COL14A1: variants seen among roughly 807,000 people sequenced by gnomAD.
COL14A1 encodes the protein collagen alpha-1(XIV) chain.
A neutral mutation model predicts 230.3 loss-of-function variants in COL14A1; 136 were observed. The ratio of observed to expected loss-of-function variants is 0.59; its 90% CI spans 0.51 to 0.68. The LOEUF (loss-of-function observed/expected upper bound fraction) is 0.68. COL14A1 is among the 30% of genes least tolerant of loss of function. The pLI, the probability that COL14A1 is intolerant of heterozygous loss-of-function variation, is 0.00. For synonymous variants in COL14A1, 792 were observed against 784.1 expected (o/e 1.01, Z -0.17); for missense variants, 1,976 against 2,215.8 (o/e 0.89, Z 2.17).
chr8:120,336,388 A>G (rs1285444114), intron 42 of COL14A1, among the ~76,000 whole-genome samples: 2 of 152,184 alleles, frequency 1.3e-5, no homozygotes, highest in Non-Finnish European at 2.9e-5. Context: ...GAAAAACATA[A>G]GGCAAACACA....
At chr8:120,209,648 C>T in intron 11 of COL14A1, 108 bp from the exon 12 acceptor site, 1 of 1,101,476 alleles carries the variant, frequency 9.1e-7, no homozygotes. Context: ...ATTCTTAATC[C>T]CTTTCTCCCT....
chr8:120,289,421 T>C (rs1405842378), intron 33 of COL14A1, among the ~76,000 whole-genome samples, 187 bp from the exon 34 acceptor site: 2 of 152,144 alleles, frequency 1.3e-5, no homozygotes, highest in Non-Finnish European at 2.9e-5. Flanking sequence ...AAAATAGAGA[T>C]GGTACTTGAA....
At chr8:120,328,386 ATT>A (rs1191940919) in intron 40 of COL14A1, among the ~76,000 whole-genome samples, 1 of 135,306 alleles carries the variant, frequency 7.4e-6, no homozygotes, top group African/African-American at 2.8e-5. Context: ...AGGCAGAGCA[ATT>A]TTTTTTTAAT....
chr8:120,312,636 C>G (rs1305643139), intron 37 of COL14A1, among the ~76,000 whole-genome samples: 1 of 152,062 alleles, frequency 6.6e-6, no homozygotes, highest in South Asian at 2.1e-4. Context: ...CCTTAATAAC[C>G]TCACCTATAA....
intron 22 of COL14A1, among the ~76,000 whole-genome samples, chr8:120,253,714 A>G (rs1338671648): frequency 2.0e-5 from 3 of 152,180 alleles, no homozygotes; most frequent in East Asian, 1.9e-4. Context: ...ACCTGAGGTC[A>G]GGAGTTTGAG....
rs1369911335 is a variant in COL14A1, at chr8:120,192,543, G to C, written c.437-4248G>C. On this transcript the variant is annotated intron_variant, in intron 5 of 47. Coordinates refer to ENST00000297848, the MANE Select transcript of COL14A1 (RefSeq NM_021110.4). Reference sequence around the variant, plus strand: ...TGTATCTTGGAGTTGCTCTTCTCGAGGAGTATCTTTGTGGCGTTCTCTGTA... The same window carrying C: ...TGTATCTTGGAGTTGCTCTTCTCGACGAGTATCTTTGTGGCGTTCTCTGTA... Among the ~76,000 whole-genome samples the C allele has an allele frequency of 2.0e-5, 3 of 152,244 alleles. No individual in the cohort carries two copies. The East Asian group carries it at 5.8e-4, about 29-fold the overall frequency.
chr8:120,181,821 A>G (rs1290124202), intron 5 of COL14A1, among the ~76,000 whole-genome samples: 2 of 152,142 alleles, frequency 1.3e-5, no homozygotes, highest in African/African-American at 4.8e-5. Context: ...GCATGGTGGC[A>G]TGCACCTGTA....
At chr8:120,370,672 C>G in intron 47 of COL14A1, 2 of 1,446,410 alleles carry the variant, frequency 1.4e-6, no homozygotes, top group South Asian at 2.5e-5. Flanking sequence ...CCAGACTCCC[C>G]TGTGTGACAG....
intron 5 of COL14A1, among the ~76,000 whole-genome samples, chr8:120,188,129 C>A (rs1252101335): frequency 6.6e-6 from 1 of 150,606 alleles, no homozygotes; most frequent in African/African-American, 2.4e-5. Context: ...GTCACCCAGG[C>A]TGGAGTGCAA....
chr8:120,370,221 A>C, intron 47 of COL14A1: 1 of 1,085,874 alleles, frequency 9.2e-7, no homozygotes, highest in Non-Finnish European at 1.4e-6. Flanking sequence ...TTTCTGCTTC[A>C]GTAGAAATTT....
Position 120,212,578 on chromosome 8 carries a change from G to T in COL14A1, c.1597+1G>T. 1 of 1,613,232 alleles carries T rather than the reference G, an allele frequency of 6.2e-7. No individual in the cohort carries two copies. Among genetic ancestry groups the T allele is most frequent in the Non-Finnish European group, 8.5e-7 (1 of 1,179,366 alleles). On this transcript the variant is annotated splice_donor_variant, in intron 13 of 47. Transcript: ENST00000297848. LOFTEE classifies it high-confidence loss of function. ...CCTGTTACGGGACAAGAAACAACAT[G>T]TGAGCAGCACAGCCATTCAGTTGGG...
intron 1 of COL14A1, among the ~76,000 whole-genome samples, chr8:120,134,615 A>T (rs983577651): frequency 6.6e-6 from 1 of 152,200 alleles, no homozygotes; most frequent in Non-Finnish European, 1.5e-5. Flanking sequence ...AATATTGGGC[A>T]ACGTGTTTTA....
chr8:120,151,157 T>C (rs1815266518), intron 2 of COL14A1, among the ~76,000 whole-genome samples: 1 of 152,046 alleles, frequency 6.6e-6, no homozygotes. Flanking sequence ...ATTAGGAAAA[T>C]ATGAGACCTT....
intron 13 of COL14A1, chr8:120,213,908 T>C: frequency 2.4e-6 from 1 of 423,002 alleles, no homozygotes; most frequent in Non-Finnish European, 4.6e-6. Flanking sequence ...ATATTGCTTT[T>C]TTTTCTTTTC....
intron 4 of COL14A1, among the ~76,000 whole-genome samples, chr8:120,165,745 T>C (rs997305892): frequency 1.3e-5 from 2 of 152,192 alleles, no homozygotes; most frequent in Admixed American, 1.3e-4. Context: ...CCTTTAAATA[T>C]GGAGGGCACC....
intron 40 of COL14A1, among the ~76,000 whole-genome samples, chr8:120,319,214 T>C (rs1376191969): frequency 6.6e-6 from 1 of 152,140 alleles, no homozygotes; most frequent in Non-Finnish European, 1.5e-5. Flanking sequence ...TGGAGTACAG[T>C]GGTGTAATCA....
In COL14A1 at chr8:120,315,534, G is replaced by T; in HGVS notation, c.4553G>T (p.Gly1518Val). 6.2e-7 allele frequency: 1 copy of T among 1,613,126 alleles called. No individual in the cohort carries two copies. The highest frequency in any genetic ancestry group is 8.5e-7 in the Non-Finnish European group (1 of 1,179,298). ...CTCTGTATACTTTTGGATATTCAGG[G>T]AATGCCAGGAGAAAAAGGAGAGAAA... The part of the protein sequence containing the change: ...PSGLSIQGMP[G>V]MPGEKGEKGD... Residue 1518 changes from glycine (G) to valine (V), a missense_variant and splice_region_variant, in exon 39 of 48, where the codon GGA (glycine) becomes GTA (valine). Coordinates refer to ENST00000297848, the MANE Select transcript of COL14A1 (RefSeq NM_021110.4).
intron 24 of COL14A1, among the ~76,000 whole-genome samples, chr8:120,264,834 G>A (rs964992465): frequency 3.9e-5 from 6 of 152,066 alleles, no homozygotes; most frequent in Non-Finnish European, 7.4e-5. Context: ...AGTTCTTTGC[G>A]CTTATTCGTT....
intron 30 of COL14A1, 65 bp downstream of exon 30, chr8:120,280,814 T>C: frequency 6.5e-7 from 1 of 1,545,532 alleles, no homozygotes; most frequent in Non-Finnish European, 8.7e-7. Flanking sequence ...GGGGATGGGG[T>C]TTCTGTTTTT....
Sources: gnomAD v4.1 joint callset for allele counts (sites outside exome capture counted in the v4.1 genomes callset) on GRCh38, gnomAD v4.1.1 for gene constraint, MANE v1.5 for transcripts, NCBI Gene and HGNC (gene_info 2026-07-23, HGNC 2026-07-21) for gene names.